MGAT5: variants seen among roughly 807,000 people sequenced by gnomAD.
The protein encoded by MGAT5 is alpha-1,6-mannosylglycoprotein 6-beta-N-acetylglucosaminyltransferase, also known as alpha-1,6-mannosylglycoprotein 6-beta-N-acetylglucosaminyltransferase A.
Under a neutral mutation model 94.3 loss-of-function variants are expected in MGAT5, and 30 were observed. The ratio of observed to expected loss-of-function variants is 0.32; its 90% confidence interval spans 0.24 to 0.43. The LOEUF (loss-of-function observed/expected upper bound fraction) is 0.43. Ranked by LOEUF, MGAT5 falls within the 20% of genes least tolerant of loss-of-function variation. The pLI is 1.00. For synonymous variants in MGAT5, 310 were observed against 322.9 expected (o/e 0.96, Z 0.43); for missense variants, 691 against 905.5 (o/e 0.76, Z 3.04).
At chr2:134,363,124 A>T (rs1680206994) in intron 10 of MGAT5, among the ~76,000 whole-genome samples, 1 of 149,132 alleles carries the variant, frequency 6.7e-6, no homozygotes, top group Non-Finnish European at 1.5e-5. Flanking sequence ...CAAATGTCAT[A>T]ATTTTTTTTT....
chr2:134,253,767 G>A (rs1052602795), upstream of MGAT5, among the ~76,000 whole-genome samples: 3 of 152,308 alleles, frequency 2.0e-5, no homozygotes, highest in African/African-American at 4.8e-5. Context: ...ATAAGATGTA[G>A]CAATCTACCT....
At chr2:134,399,758 A>C (rs1223605795) in intron 10 of MGAT5, among the ~76,000 whole-genome samples, 2 of 152,198 alleles carry the variant, frequency 1.3e-5, no homozygotes, top group African/African-American at 2.4e-5. Flanking sequence ...TCCAGTTCTT[A>C]GATCAGTGGG....
chr2:134,410,446 C>A lies in MGAT5; in HGVS notation c.1531-2423C>A, dbSNP rs183876572. ...CAATCCTAATTGTGTGACAGAAAAA[C>A]TCATTGCCAGGAAATTATGTTGTAT... On this transcript the variant is annotated intron_variant, in intron 11 of 15. Transcript: ENST00000281923. 3.3e-5 allele frequency among the ~76,000 whole-genome samples: 5 copies of A among 152,294 alleles called. No individual in the cohort carries two copies. In the East Asian group the frequency reaches 9.6e-4, roughly 29 times the overall value.
intron 11 of MGAT5, among the ~76,000 whole-genome samples, chr2:134,408,277 G>A (rs983906902): frequency 6.6e-6 from 1 of 152,150 alleles, no homozygotes. Flanking sequence ...AACATGTTCA[G>A]CATCTACAGG....
intron 1 of MGAT5, among the ~76,000 whole-genome samples, chr2:134,191,805 C>T (rs113208373): frequency 6.7e-6 from 1 of 148,916 alleles, no homozygotes; most frequent in East Asian, 2.0e-4. Flanking sequence ...CTCCTCCTCG[C>T]GCGAGCGGGT....
chr2:134,404,991 A>C (rs969425822), intron 11 of MGAT5, among the ~76,000 whole-genome samples: 1 of 152,238 alleles, frequency 6.6e-6, no homozygotes. Flanking sequence ...AAGCTCCTTT[A>C]AAAAACACTT....
At chr2:134,128,243 A>G (rs548377825) in intron 1 of MGAT5, among the ~76,000 whole-genome samples, 31 of 152,112 alleles carry the variant, frequency 2.0e-4, no homozygotes, top group African/African-American at 7.2e-4. Context: ...GAAGGAGAGA[A>G]TGAAAGAAAA....
intron 1 of MGAT5, among the ~76,000 whole-genome samples, chr2:134,216,024 TAGAA>T (rs1680478392): frequency 6.6e-6 from 1 of 152,176 alleles, no homozygotes; most frequent in South Asian, 2.1e-4. Context: ...ACGGTGACCT[TAGAA>T]AGGCATTATT....
At chr2:134,289,793 C>G (rs571475858) in intron 2 of MGAT5, among the ~76,000 whole-genome samples, 1 of 152,320 alleles carries the variant, frequency 6.6e-6, no homozygotes, top group Non-Finnish European at 1.5e-5. Flanking sequence ...TGGTAGACCA[C>G]ATTTGTCGTC....
chr2:134,368,356 T>G (rs921879992), intron 10 of MGAT5, among the ~76,000 whole-genome samples: 5 of 152,208 alleles, frequency 3.3e-5, no homozygotes, highest in Non-Finnish European at 7.3e-5. Flanking sequence ...ATATGAGCAT[T>G]TCAAATAGTT....
chr2:134,341,266 A>AC (rs34969669), intron 6 of MGAT5, among the ~76,000 whole-genome samples: 25,673 of 152,100 alleles, frequency 0.17, 2,922 homozygotes, highest in African/African-American at 0.32. Flanking sequence ...TAGATAAAAG[A>AC]CCAATAGTGT....
chr2:134,123,160 A>C (rs1272391253), intron 1 of MGAT5, among the ~76,000 whole-genome samples: 2 of 152,102 alleles, frequency 1.3e-5, no homozygotes, highest in African/African-American at 4.8e-5. Context: ...TAAGCAACTT[A>C]CCTTCTGCCC....
At chr2:134,276,833 A>G (rs1326183251) in intron 2 of MGAT5, among the ~76,000 whole-genome samples, 17 of 152,182 alleles carry the variant, frequency 1.1e-4, no homozygotes, top group Admixed American at 1.1e-3. Context: ...AGATGTTCCT[A>G]TGGCCCAGGG....
intron 10 of MGAT5, among the ~76,000 whole-genome samples, chr2:134,364,768 T>C (rs758255352): frequency 5.9e-5 from 9 of 152,206 alleles, no homozygotes; most frequent in Non-Finnish European, 1.0e-4. Context: ...GCCCAAAAGA[T>C]GAAAAATCCT....
intron 1 of MGAT5, among the ~76,000 whole-genome samples, chr2:134,130,260 C>CCACACCGCCCCACACCGCCT (rs1686081813): frequency 6.6e-6 from 1 of 150,758 alleles, no homozygotes; most frequent in Non-Finnish European, 1.5e-5. Flanking sequence ...CCACACCGCC[C>CCACACCGCCCCACACCGCCT]CACACCGCCC....
chr2:134,323,294 G>C (rs892257796), intron 4 of MGAT5, among the ~76,000 whole-genome samples: 2 of 152,140 alleles, frequency 1.3e-5, no homozygotes, highest in African/African-American at 4.8e-5. Context: ...TTCTTTAGAG[G>C]TGGGACTTTG....
At chr2:134,271,600 A>T (rs1684029959) in intron 2 of MGAT5, among the ~76,000 whole-genome samples, 1 of 152,184 alleles carries the variant, frequency 6.6e-6, no homozygotes. Context: ...GCGTCAAAAC[A>T]TTTAATTGTT....
At chr2:134,381,399 TAGATAGA>T (rs773382700) in intron 10 of MGAT5, among the ~76,000 whole-genome samples, 1,629 of 84,040 alleles carry the variant, frequency 0.019, 41 homozygotes, top group African/African-American at 0.06. Flanking sequence ...GATAGATAGA[TAGATAGA>T]TAGATAGATA....
intron 1 of MGAT5, among the ~76,000 whole-genome samples, chr2:134,236,355 T>G (rs927051256): frequency 2.0e-5 from 3 of 152,188 alleles, no homozygotes; most frequent in Non-Finnish European, 4.4e-5. Flanking sequence ...TGAAACCTCT[T>G]GAGGCTTCTC....
Sources: gnomAD v4.1 joint callset for allele counts (sites outside exome capture counted in the v4.1 genomes callset) on GRCh38, gnomAD v4.1.1 for gene constraint, MANE v1.5 for transcripts, NCBI Gene and HGNC (gene_info 2026-07-23, HGNC 2026-07-21) for gene names.